CELF2: variants seen among roughly 807,000 people sequenced by gnomAD.
The protein encoded by CELF2 is CUGBP Elav-like family member 2, also known as CUG triplet repeat RNA-binding protein 2.
In CELF2, 8 loss-of-function variants were observed where a neutral mutation model predicts 62.6. The ratio of observed to expected loss-of-function variants is 0.13; its 90% CI spans 0.07 to 0.23. CELF2 has a LOEUF of 0.23. Ranked by LOEUF, CELF2 falls within the 10% of genes least tolerant of loss-of-function variation. CELF2 has a pLI of 1.00. For synonymous variants in CELF2, 258 were observed against 250.0 expected (o/e 1.03, Z -0.30); for missense variants, 333 against 671.0 (o/e 0.50, Z 5.56).
the CELF2 span, among the ~76,000 whole-genome samples, chr10:10,650,158 T>G: frequency 4.4e-3 from 666 of 152,274 alleles, 6 homozygotes; most frequent in African/African-American, 0.015. Context: ...TCGTAGTATT[T>G]CATTACAGCC....
intron 1 of CELF2, among the ~76,000 whole-genome samples, chr10:11,093,019 G>A (rs1259052973): frequency 6.6e-6 from 1 of 152,198 alleles, no homozygotes; most frequent in Non-Finnish European, 1.5e-5. Flanking sequence ...CCATTCCACT[G>A]TGTAATAATA....
chr10:10,648,581 A>C, the CELF2 span, among the ~76,000 whole-genome samples: 1 of 152,220 alleles, frequency 6.6e-6, no homozygotes, highest in African/African-American at 2.4e-5. Flanking sequence ...ACACTGAACC[A>C]TGCAAGTCTA....
At chr10:10,877,201 G>T (rs1363106219) in intron 1 of CELF2, among the ~76,000 whole-genome samples, 2 of 152,230 alleles carry the variant, frequency 1.3e-5, no homozygotes, top group East Asian at 3.8e-4. Context: ...ACAATTTCTT[G>T]TGTGAACCCC....
chr10:10,607,851 G>T, the CELF2 span, among the ~76,000 whole-genome samples: 1 of 152,178 alleles, frequency 6.6e-6, no homozygotes, highest in Non-Finnish European at 1.5e-5. Flanking sequence ...AGCACTTTGG[G>T]AGGCAGAGGC....
At chr10:11,127,553 C>G (rs1428818154) in intron 1 of CELF2, among the ~76,000 whole-genome samples, 1 of 152,108 alleles carries the variant, frequency 6.6e-6, no homozygotes, top group Non-Finnish European at 1.5e-5. Context: ...TCTGCAGCAT[C>G]TGTTGTTTCC....
At position 11,217,192 on chromosome 10, in the gene CELF2, G is replaced by C. The variant is rs746301873; in HGVS notation, c.272-233G>C. 3.3e-5 allele frequency among the ~76,000 whole-genome samples: 5 copies of C among 152,208 alleles called. No individual in the cohort carries two copies. The highest frequency in any genetic ancestry group is 4.8e-5 in the African/African-American group (2 of 41,450). ...TTCTTGAATAGCTGTATTCCAGAGA[G>C]GTGAGGCACAGAGTCAGGAATTGAT... On this transcript the variant is annotated intron_variant, in intron 2 of 12. Coordinates refer to ENST00000633077, the MANE Select transcript of CELF2 (RefSeq NM_001326342.2). This position sits in a 1 kb window ranked among gnomAD's most constrained non-coding sequence, Gnocchi z 5.6.
intron 2 of CELF2, among the ~76,000 whole-genome samples, chr10:11,189,036 T>C (rs1191816182): frequency 6.6e-6 from 1 of 152,180 alleles, no homozygotes; most frequent in East Asian, 1.9e-4. Flanking sequence ...ATAAATAACT[T>C]TTTTGAGTCC....
Position 10,861,012 on chromosome 10 carries a change from C to G in CELF2, c.54-58952C>G, listed in dbSNP as rs1054127168. 2.6e-5 allele frequency among the ~76,000 whole-genome samples: 4 copies of G among 151,934 alleles called. No homozygotes were observed. The East Asian group carries it at 5.8e-4, about 22-fold the overall frequency. Reference sequence around the variant, plus strand: ...CATTGCACACTACAGCCTTGAACTCCTAGGCTCAAGCAGTCTTCCTGCCTC... The same window carrying G: ...CATTGCACACTACAGCCTTGAACTCGTAGGCTCAAGCAGTCTTCCTGCCTC... On this transcript the variant is annotated intron_variant, in intron 1 of 13. Coordinates refer to the CELF2 transcript ENST00000636488.
chr10:10,462,615 C>CTTTTTTTTTTTTTTTTTTTTTTTTG, the CELF2 span, among the ~76,000 whole-genome samples: 1 of 69,414 alleles, frequency 1.4e-5, no homozygotes. Flanking sequence ...TTTTTTTCAT[C>CTTTTTTTTTTTTTTTTTTTTTTTTG]TTTTTTTTTT....
rs1465923277 is a variant in CELF2, at chr10:11,247,198, G to A, written c.355-1955G>A. Reference sequence around the variant, plus strand: ...TCTTGTTTCCTTTGTTACTTCTTCTGTACCTGACCACATACTTTCAGACAA... The same window carrying A: ...TCTTGTTTCCTTTGTTACTTCTTCTATACCTGACCACATACTTTCAGACAA... On this transcript the variant is annotated intron_variant, in intron 3 of 12. Coordinates refer to ENST00000633077, the MANE Select transcript of CELF2 (RefSeq NM_001326342.2). The surrounding 1 kb of genome is among the most constrained non-coding windows in gnomAD (Gnocchi z 5.4). 6.6e-6 allele frequency among the ~76,000 whole-genome samples: 1 copy of A among 152,192 alleles called. No individual in the cohort carries two copies. The highest frequency in any genetic ancestry group is 2.4e-5 in the African/African-American group (1 of 41,426).
intron 1 of CELF2, among the ~76,000 whole-genome samples, chr10:10,827,918 A>G (rs924351483): frequency 4.0e-5 from 6 of 150,564 alleles, no homozygotes; most frequent in African/African-American, 1.2e-4. Flanking sequence ...ACTAATTTGA[A>G]TTAGGGAATC....
At chr10:10,677,887 T>C in the CELF2 span, among the ~76,000 whole-genome samples, 1 of 152,208 alleles carries the variant, frequency 6.6e-6, no homozygotes, top group African/African-American at 2.4e-5. Context: ...TTTAGGACTA[T>C]ATGAACAATG....
chr10:11,135,329 TC>T (rs1182325763), intron 1 of CELF2, among the ~76,000 whole-genome samples: 1 of 152,210 alleles, frequency 6.6e-6, no homozygotes, highest in Admixed American at 6.5e-5. Context: ...ATTTCTCCCT[TC>T]CCTGACAAGT....
chr10:10,914,471 G>T (rs1358156874), intron 1 of CELF2, among the ~76,000 whole-genome samples: 4 of 152,186 alleles, frequency 2.6e-5, no homozygotes, highest in East Asian at 1.9e-4. Flanking sequence ...AAAATTAAAA[G>T]ATTTTTTTTA....
the CELF2 span, among the ~76,000 whole-genome samples, chr10:10,719,458 G>T: frequency 6.6e-6 from 1 of 151,962 alleles, no homozygotes; most frequent in Non-Finnish European, 1.5e-5. Flanking sequence ...TAGAGATGGG[G>T]TCTTGGTATA....
Position 10,957,359 on chromosome 10 carries a change from G to A in CELF2, c.89+37360G>A, listed in dbSNP as rs1041933767. Among the ~76,000 whole-genome samples, 2 of 152,178 alleles carry A rather than the reference G, an allele frequency of 1.3e-5. No homozygotes were observed. Among genetic ancestry groups the A allele is most frequent in the African/African-American group, 2.4e-5 (1 of 41,430 alleles). ...CTCTTTGTGCATGTGTCTCCTCTGG[G>A]ATTCATTCGCTCTCGCTGAAGGATG... On this transcript the variant is annotated intron_variant, in intron 2 of 13. Transcript: ENST00000636488. This position sits in a 1 kb window ranked among gnomAD's most constrained non-coding sequence, Gnocchi z 4.1.
chr10:10,643,158 C>A, the CELF2 span, among the ~76,000 whole-genome samples: 1 of 152,186 alleles, frequency 6.6e-6, no homozygotes, highest in Non-Finnish European at 1.5e-5. Context: ...CTGGAGTGAA[C>A]CCTTGGCAGG....
At chr10:10,579,720 T>C in the CELF2 span, among the ~76,000 whole-genome samples, 3 of 152,080 alleles carry the variant, frequency 2.0e-5, no homozygotes, top group Admixed American at 6.5e-5. Context: ...TCAAAATACA[T>C]TGAAGAAATG....
At chr10:10,840,493 C>T (rs1490977838) in intron 1 of CELF2, among the ~76,000 whole-genome samples, 1 of 152,236 alleles carries the variant, frequency 6.6e-6, no homozygotes, top group Non-Finnish European at 1.5e-5. Context: ...ACTTAACTTG[C>T]CATGCATGTA....
Sources: gnomAD v4.1 joint callset for allele counts (sites outside exome capture counted in the v4.1 genomes callset) on GRCh38, gnomAD v4.1.1 for gene constraint, Gnocchi (gnomAD v3.1) non-coding constraint, MANE v1.5 for transcripts, NCBI Gene and HGNC (gene_info 2026-07-23, HGNC 2026-07-21) for gene names.